Variants in STYK1 observed in about 807,000 individuals in gnomAD.
The protein encoded by STYK1 is STY kinase 1.
STYK1 carries 46 observed loss-of-function variants against 48.1 expected under a neutral mutation model. The ratio of observed to expected loss-of-function variants is 0.96; its 90% confidence interval spans 0.75 to 1.22. STYK1 has a LOEUF of 1.22. Ranked by LOEUF, STYK1 falls within the 50% of genes most tolerant of loss-of-function variation. The pLI is 0.00. For missense variants in STYK1, 527 were observed against 521.1 expected (o/e 1.01, Z -0.11); for synonymous variants, 188 against 189.0 (o/e 0.99, Z 0.04).
rs140174760 is a variant in STYK1 at position 10,631,294 on chromosome 12, G to T, written c.202C>A (p.Pro68Thr). 2.4e-5 allele frequency: 39 copies of T among 1,614,028 alleles called. No individual in the cohort carries two copies. Among genetic ancestry groups the T allele is most frequent in the Non-Finnish European group, 3.1e-5 (37 of 1,179,992 alleles). The stretch of plus-strand genomic sequence containing the variant: ...TCCCAGCTTAGGTCCCTAGGTGGAG[G>T]AACAGGGGCAATGCCTAGAACAGAG... ...RSGPQGIAPV[P>T]PPRDLSWEAG... Residue 68 changes from proline to threonine, a missense_variant, in exon 5 of 11, where the codon CCT (proline) becomes ACT (threonine). Pro to Thr is a conservative substitution (Grantham distance 38, BLOSUM62 -1). Coordinates refer to ENST00000075503, the MANE Select transcript of STYK1 (RefSeq NM_018423.3).
chr12:10,631,425 G>T, intron 4 of STYK1, 117 bp from the exon 5 acceptor site: 1 of 1,282,228 alleles, frequency 7.8e-7, no homozygotes, highest in Non-Finnish European at 1.1e-6. Context: ...GGCCAATGGG[G>T]AGTTGTCTTC....
At chr12:10,668,379 C>T (rs549598858) in intron 1 of STYK1, among the ~76,000 whole-genome samples, 52 of 150,088 alleles carry the variant, frequency 3.5e-4, no homozygotes, top group Middle Eastern at 6.8e-3. Context: ...TCTACTTCTT[C>T]TTCTTTTTTT....
intron 1 of STYK1, among the ~76,000 whole-genome samples, chr12:10,644,539 G>A (rs540430400): frequency 5.3e-5 from 8 of 152,244 alleles, no homozygotes; most frequent in African/African-American, 1.9e-4. Context: ...ATGAGTATTA[G>A]TTTTGCAGCA....
chr12:10,632,665 A>G (rs993898104), intron 4 of STYK1, among the ~76,000 whole-genome samples: 1 of 152,220 alleles, frequency 6.6e-6, no homozygotes, highest in Non-Finnish European at 1.5e-5. Context: ...TAGGGGCAGA[A>G]GCAGGGAATG....
At chr12:10,657,886 T>A (rs905618992) in intron 1 of STYK1, among the ~76,000 whole-genome samples, 3 of 152,168 alleles carry the variant, frequency 2.0e-5, no homozygotes, top group African/African-American at 7.2e-5. Context: ...ACATGCAAGG[T>A]GTGTAAGGAA....
intron 1 of STYK1, among the ~76,000 whole-genome samples, chr12:10,664,522 T>C (rs529447200): frequency 1.3e-5 from 2 of 152,276 alleles, no homozygotes; most frequent in South Asian, 2.1e-4. Context: ...TGAACTTCTT[T>C]TTGTGAGCAA....
chr12:10,632,394 TA>T (rs1947439001), intron 4 of STYK1, among the ~76,000 whole-genome samples: 1 of 152,116 alleles, frequency 6.6e-6, no homozygotes, highest in Non-Finnish European at 1.5e-5. Context: ...GCAAAAGCAT[TA>T]AGCAGGGAGC....
chr12:10,654,241 A>C (rs1243759033), intron 1 of STYK1, among the ~76,000 whole-genome samples: 1 of 152,210 alleles, frequency 6.6e-6, no homozygotes, highest in African/African-American at 2.4e-5. Context: ...CTCATGAATA[A>C]TCTACCCCTT....
chr12:10,629,084 T>TCCCATTTTA (rs2120628121), intron 6 of STYK1, among the ~76,000 whole-genome samples: 1 of 152,288 alleles, frequency 6.6e-6, no homozygotes, highest in South Asian at 2.1e-4. Flanking sequence ...TTCAGAAAAC[T>TCCCATTTTA]CAGGATCAGA....
intron 7 of STYK1, among the ~76,000 whole-genome samples, chr12:10,627,419 T>G (rs1947370700): frequency 6.6e-6 from 1 of 152,226 alleles, no homozygotes; most frequent in Middle Eastern, 3.2e-3. Context: ...TTGACTACTT[T>G]CTCCCTGAAA....
At position 10,631,048 on chromosome 12, in the gene STYK1, T is replaced by C. The variant is rs1947421339; in HGVS notation, c.448A>G (p.Lys150Glu). Residue 150 changes from lysine (K) to glutamate (E), a missense_variant, in exon 5 of 11, where the codon AAA becomes GAA. Physicochemically the swap from Lys to Glu is moderately conservative, Grantham distance 56. Transcript: ENST00000075503. ...AGTCAAACACTTCTTGTTTTACCTT[T>C]TAAAGCCTTGAGAATAACACTCTTG... ...KPKSVILKAL[K>E]EPAGLHEVQD... 6.2e-7 allele frequency: 1 copy of C among 1,613,190 alleles called. No homozygotes were observed. Among genetic ancestry groups the C allele is most frequent in the African/African-American group, 1.3e-5 (1 of 75,016 alleles).
At chr12:10,665,931 G>A (rs1333344473) in intron 1 of STYK1, among the ~76,000 whole-genome samples, 1 of 152,176 alleles carries the variant, frequency 6.6e-6, no homozygotes, top group Non-Finnish European at 1.5e-5. Context: ...GGCTGGATTT[G>A]TGGAATCTGC....
At chr12:10,647,180 T>C (rs1947610057) in intron 1 of STYK1, among the ~76,000 whole-genome samples, 1 of 152,170 alleles carries the variant, frequency 6.6e-6, no homozygotes, top group South Asian at 2.1e-4. Context: ...ACCAACAGCT[T>C]GCACCATGTG....
Position 10,624,776 on chromosome 12 carries a change from G to A in STYK1, c.801C>T (p.Leu267=). ...CTTCATAAGCCAGGCCTAATCCACAGAGCTTAGCAGTGAGATCACTTTGCA... is the reference window on the plus strand; with the variant it reads ...CTTCATAAGCCAGGCCTAATCCACAAAGCTTAGCAGTGAGATCACTTTGCA... The part of the protein sequence containing the change: ...ILMQSDLTAK[L]CGLGLAYEVY... Residue 267 remains leucine, a synonymous_variant, in exon 8 of 11, where the codon CTC becomes CTT. Transcript: ENST00000075503. 1.9e-6 allele frequency: 3 copies of A among 1,614,122 alleles called. No individual in the cohort carries two copies. Among genetic ancestry groups the A allele is most frequent in the Non-Finnish European group, 2.5e-6 (3 of 1,180,004 alleles).
rs1208783485 is a variant in STYK1 at position 10,629,538 on chromosome 12, A to G, written c.588T>C (p.Asp196=). 2 of 1,614,174 alleles carry G rather than the reference A, an allele frequency of 1.2e-6. No homozygotes were observed. The highest frequency in any genetic ancestry group is 1.7e-5 in the Admixed American group (1 of 60,016). ...EKLPLYMVLE[D]VAQGDLLSFL... ...AGCTGAGCAGGTCCCCCTGGGCCAC[A>G]TCCTCCAACACCATATAGAGTGGCA... Residue 196 remains aspartate (D), a synonymous_variant, in exon 6 of 11, where the codon GAT becomes GAC. Transcript: ENST00000075503.
intron 2 of STYK1, 34 bp from the exon 3 acceptor site, chr12:10,634,720 T>C (rs1947467503): frequency 2.9e-6 from 4 of 1,359,670 alleles, no homozygotes; most frequent in Middle Eastern, 1.8e-4. Flanking sequence ...AAAAATAAAA[T>C]GAATGAAAAA....
chr12:10,621,969 G>T lies in STYK1; in HGVS notation c.971C>A (p.Ala324Glu), dbSNP rs1462021404. 6.2e-7 allele frequency: 1 copy of T among 1,612,864 alleles called. No individual in the cohort carries two copies. The highest frequency in any genetic ancestry group is 2.2e-5 in the East Asian group (1 of 44,864). ...AGGAGGGACTTCAGGATACGGTGGT[G>T]CTCCTGTCATTACGAAAATAATGAG... ...ILLYEMVTLG[A>E]PPYPEVPPTS... is the part of the protein sequence containing the mutation. Residue 324 changes from alanine to glutamate, a missense_variant, in exon 10 of 11, where the codon GCA becomes GAA. Ala to Glu is a moderately radical substitution (Grantham distance 107). Coordinates refer to ENST00000075503, the MANE Select transcript of STYK1 (RefSeq NM_018423.3).
At chr12:10,666,979 A>G (rs779845056) in intron 1 of STYK1, among the ~76,000 whole-genome samples, 4 of 152,204 alleles carry the variant, frequency 2.6e-5, no homozygotes, top group Admixed American at 6.6e-5. Flanking sequence ...GCATAGTTTG[A>G]AACATGTTTT....
chr12:10,625,298 A>G lies in STYK1; in HGVS notation c.718-439T>C, dbSNP rs370216102. Among the ~76,000 whole-genome samples, 26 of 152,148 alleles carry G rather than the reference A, an allele frequency of 1.7e-4. 1 individual carries two copies. The East Asian group carries it at 4.8e-3, about 28-fold the overall frequency. ...AGTGGCGGGATCTCAGCTCACTGCA[A>G]GCTCCGCCTCCTGGGTTCATGCCAT... On this transcript the variant is annotated intron_variant, in intron 7 of 10. Coordinates refer to ENST00000075503, the MANE Select transcript of STYK1 (RefSeq NM_018423.3).
Sources: gnomAD v4.1 joint callset for allele counts (sites outside exome capture counted in the v4.1 genomes callset) on GRCh38, gnomAD v4.1.1 for gene constraint, MANE v1.5 for transcripts, NCBI Gene and HGNC (gene_info 2026-07-23, HGNC 2026-07-21) for gene names.